The following ST7L variants were observed in gnomAD, a reference collection of about 807,000 sequenced individuals.
ST7L encodes the protein suppressor of tumorigenicity 7 protein-like.
Under a neutral mutation model 72.5 loss-of-function variants are expected in ST7L, and 57 were observed. The ratio of observed to expected loss-of-function variants is 0.79; its 90% CI spans 0.64 to 0.98. The LOEUF is 0.98. Ranked by LOEUF, ST7L falls within the 50% of genes least tolerant of loss-of-function variation. ST7L has a pLI of 0.00. For missense variants in ST7L, 576 were observed against 672.2 expected (o/e 0.86, Z 1.58); for synonymous variants, 221 against 240.9 (o/e 0.92, Z 0.77).
chr1:112,600,338 T>A (rs1264504116), intron 4 of ST7L, among the ~76,000 whole-genome samples: 4 of 152,272 alleles, frequency 2.6e-5, no homozygotes, highest in African/African-American at 7.2e-5. Context: ...GCACCTGGCC[T>A]CTACCAAAAA....
At position 112,578,363 on chromosome 1, in the gene ST7L, G is replaced by A. The variant is rs1286883635; in HGVS notation, c.1124C>T (p.Thr375Ile). The A allele has an allele frequency of 6.2e-7, 1 of 1,614,088 alleles. No individual in the cohort carries two copies. Among genetic ancestry groups the A allele is most frequent in the Non-Finnish European group, 8.5e-7 (1 of 1,179,948 alleles). Residue 375 changes from threonine (T) to isoleucine (I), a missense_variant, in exon 10 of 15, where the codon ACA becomes ATA. Thr to Ile is a moderately conservative substitution (Grantham distance 89). Around this residue, in one of 3 missense-constraint regions of ST7L, gnomAD observed 511 missense variants for 600.7 expected, o/e 0.85. Coordinates refer to ENST00000358039, the MANE Select transcript of ST7L (RefSeq NM_017744.5). ...CACGTACTTTTCTGAAACAGTCCTT[G>A]TCTTCAACAGTGCTGCTGTGTAACA... ...AICYTAALLKTRTVSEKFSPE... is the reference protein window; with the variant it reads ...AICYTAALLKIRTVSEKFSPE...
downstream of ST7L, chr1:112,521,129 TTC>T (rs1173737827): frequency 4.6e-5 from 7 of 153,180 alleles, no homozygotes; most frequent in East Asian, 5.8e-4. Flanking sequence ...CACACATTCA[TTC>T]TCTCTTTTTC....
intron 3 of ST7L, among the ~76,000 whole-genome samples, chr1:112,607,817 A>C (rs181308690): frequency 1.8e-3 from 272 of 152,286 alleles, no homozygotes; most frequent in Middle Eastern, 3.4e-3. Context: ...GATGGAGTTC[A>C]GGGTGGTTAG....
At chr1:112,576,878 T>A in intron 11 of ST7L, 108 bp downstream of exon 11, 1 of 757,208 alleles carries the variant, frequency 1.3e-6, no homozygotes, top group Non-Finnish European at 2.1e-6. Flanking sequence ...ATATAGCAGA[T>A]TAAAACAATT....
At chr1:112,545,734 T>C (rs1656934988) in intron 13 of ST7L, among the ~76,000 whole-genome samples, 2 of 152,212 alleles carry the variant, frequency 1.3e-5, no homozygotes, top group African/African-American at 4.8e-5. Flanking sequence ...CTTCACTGAA[T>C]CTTCAACTGT....
intron 6 of ST7L, among the ~76,000 whole-genome samples, chr1:112,587,127 C>T (rs1274266274): frequency 1.3e-5 from 2 of 152,152 alleles, no homozygotes; most frequent in African/African-American, 4.8e-5. Flanking sequence ...ATGCTTTCTT[C>T]TAAGAGTTCT....
At chr1:112,567,423 G>T (rs902641907) in intron 11 of ST7L, among the ~76,000 whole-genome samples, 7 of 151,996 alleles carry the variant, frequency 4.6e-5, no homozygotes, top group Admixed American at 3.3e-4. Flanking sequence ...TTGCCTTTTT[G>T]TCTTAACACT....
At chr1:112,618,360 C>G in intron 1 of ST7L, 2 of 700,652 alleles carry the variant, frequency 2.9e-6, no homozygotes, top group Non-Finnish European at 3.5e-6. Context: ...TTTTATTACT[C>G]AAGATAAGCC....
At chr1:112,556,985 C>CAAAAAAAAAAA (rs1196828305) in intron 11 of ST7L, among the ~76,000 whole-genome samples, 8 of 82,108 alleles carry the variant, frequency 9.7e-5, no homozygotes, top group Non-Finnish European at 1.2e-4. Flanking sequence ...AAAAAAAAAA[C>CAAAAAAAAAAA]AAAAAAAAAA....
intron 13 of ST7L, among the ~76,000 whole-genome samples, 154 bp from the exon 14 acceptor site, chr1:112,542,244 A>G (rs1166067910): frequency 6.6e-6 from 1 of 152,246 alleles, no homozygotes; most frequent in Non-Finnish European, 1.5e-5. Flanking sequence ...ACAGTTATCC[A>G]TTATTTATCC....
At chr1:112,593,480 T>G (rs1665993683) in intron 5 of ST7L, among the ~76,000 whole-genome samples, 1 of 152,148 alleles carries the variant, frequency 6.6e-6, no homozygotes, top group African/African-American at 2.4e-5. Flanking sequence ...TCAGCAGTTA[T>G]CATAAGGTCA....
chr1:112,542,359 T>C (rs1294690833), intron 13 of ST7L, among the ~76,000 whole-genome samples: 1 of 152,056 alleles, frequency 6.6e-6, no homozygotes, highest in African/African-American at 2.4e-5. Context: ...TGAGGTGATT[T>C]TGAAAAAAAG....
rs1653058185 is a variant in ST7L, at chr1:112,524,113, C to T, written c.*1900G>A. The T allele has an allele frequency of 1.3e-5, 2 of 152,500 alleles. No homozygotes were observed. The highest frequency in any genetic ancestry group is 4.8e-5 in the African/African-American group (2 of 41,434). The allele number at this position is 152,500 out of a possible 1,614,324, so 9.4% of individuals were successfully genotyped here. ...AACACTCACTGCTTCATTTCTATTCCTCCTGTTGCAGGGAGTAATTTCTTC... is the reference window on the plus strand; with the variant it reads ...AACACTCACTGCTTCATTTCTATTCTTCCTGTTGCAGGGAGTAATTTCTTC... On this transcript the variant is annotated 3_prime_UTR_variant, in exon 15 of 15. Coordinates refer to ENST00000358039, the MANE Select transcript of ST7L (RefSeq NM_017744.5).
intron 11 of ST7L, among the ~76,000 whole-genome samples, chr1:112,572,711 A>AT (rs143215613): frequency 1.3e-5 from 2 of 151,170 alleles, no homozygotes; most frequent in Non-Finnish European, 3.0e-5. Context: ...TCCTGTCTCT[A>AT]TTTTTTTTTA....
intron 14 of ST7L, among the ~76,000 whole-genome samples, chr1:112,535,131 G>C (rs1479954336): frequency 6.6e-6 from 1 of 152,152 alleles, no homozygotes; most frequent in Admixed American, 6.5e-5. Flanking sequence ...CCAGCACTTT[G>C]GGAGGCCCAG....
intron 4 of ST7L, among the ~76,000 whole-genome samples, chr1:112,598,570 C>T (rs1192954051): frequency 2.0e-5 from 3 of 149,660 alleles, no homozygotes; most frequent in African/African-American, 7.4e-5. Context: ...AGCAATATAG[C>T]GAGATCTTAT....
intron 11 of ST7L, chr1:112,570,728 G>T (rs1661967023): frequency 4.4e-6 from 2 of 455,640 alleles, no homozygotes; most frequent in East Asian, 1.4e-4. Context: ...AGAAAAAGAG[G>T]GTCTGTACAT....
At chr1:112,607,945 C>A (rs936290542) in intron 3 of ST7L, among the ~76,000 whole-genome samples, 1 of 151,852 alleles carries the variant, frequency 6.6e-6, no homozygotes, top group Non-Finnish European at 1.5e-5. Context: ...TCTGTGGTAG[C>A]TAATATTATT....
chr1:112,619,033 T>C lies in ST7L; in HGVS notation c.81A>G (p.Leu27=). 2 of 1,613,906 alleles carry C rather than the reference T, an allele frequency of 1.2e-6. No homozygotes were observed. Among genetic ancestry groups the C allele is most frequent in the Non-Finnish European group, 1.7e-6 (2 of 1,179,952 alleles). Residue 27 remains leucine (L), a synonymous_variant, in exon 1 of 15, where the codon CTA becomes CTG. Transcript: ENST00000358039. ...CGGCCCGCAGTCGCTCCCTCCAGCC[T>C]AGCGTCGGGTTTAGGCCAGGGACAG... The part of the protein sequence containing the change: ...PASVPGLNPT[L]GWRERLRAGL...
Sources: allele counts gnomAD v4.1 joint callset (sites outside exome capture counted in the v4.1 genomes callset), GRCh38; gene constraint gnomAD v4.1.1; regional missense constraint gnomAD v4.1.1; transcripts MANE v1.5; gene names NCBI Gene and HGNC (gene_info 2026-07-23, HGNC 2026-07-21).